NTRK2: variants seen among roughly 807,000 people sequenced by gnomAD.
NTRK2 encodes neurotrophic receptor tyrosine kinase 2.
Under a neutral mutation model 94.5 loss-of-function variants are expected in NTRK2, and 13 were observed. The ratio of observed to expected loss-of-function variants is 0.14; its 90% CI spans 0.09 to 0.22. NTRK2 has a LOEUF of 0.22. NTRK2 is among the 10% of genes least tolerant of loss of function. NTRK2 has a pLI of 1.00. For synonymous variants in NTRK2, 372 were observed against 407.4 expected (o/e 0.91, Z 1.05); for missense variants, 639 against 1,071.2 (o/e 0.60, Z 5.63).
At chr9:84,865,630 AG>A (rs1426867755) in intron 13 of NTRK2, among the ~76,000 whole-genome samples, 3 of 152,194 alleles carry the variant, frequency 2.0e-5, no homozygotes, top group South Asian at 2.1e-4. Context: ...TGCATTTAGT[AG>A]GGGGGGTTGG....
intron 12 of NTRK2, among the ~76,000 whole-genome samples, chr9:84,859,791 C>A (rs1024529223): frequency 1.3e-5 from 2 of 152,322 alleles, no homozygotes; most frequent in South Asian, 2.1e-4. Context: ...AATCCATAGG[C>A]AGGACTCTGC....
At chr9:84,882,174 G>A (rs2076273110) in intron 14 of NTRK2, among the ~76,000 whole-genome samples, 1 of 150,194 alleles carries the variant, frequency 6.7e-6, no homozygotes, top group African/African-American at 2.5e-5. Flanking sequence ...CATCAAGCCA[G>A]GCTTCTTTCA....
At chr9:84,743,713 C>CAAAATGTCATTTTAGTATCATTTTAGTAT (rs1158152343) in intron 10 of NTRK2, among the ~76,000 whole-genome samples, 1 of 152,094 alleles carries the variant, frequency 6.6e-6, no homozygotes, top group African/African-American at 2.4e-5. Context: ...GATCTTTTGG[C>CAAAATGTCATTTTAGTATCATTTTAGTAT]CAAAATGTCA....
chr9:85,017,364 A>G (rs932391304), intron 17 of NTRK2, among the ~76,000 whole-genome samples: 2 of 152,224 alleles, frequency 1.3e-5, no homozygotes, highest in East Asian at 1.9e-4. Context: ...AGATTTGGCA[A>G]CTAGTCCAGG....
chr9:84,971,186 A>G lies in NTRK2; in HGVS notation c.2172+15669A>G, dbSNP rs555219113. Among the ~76,000 whole-genome samples the G allele has an allele frequency of 1.4e-4, 21 of 152,330 alleles. No individual in the cohort carries two copies. The South Asian group carries it at 4.2e-3, about 30-fold the overall frequency. On this transcript the variant is annotated intron_variant, in intron 17 of 18. Coordinates refer to ENST00000277120, the MANE Select transcript of NTRK2 (RefSeq NM_006180.6). ...ATGGAACAGAAAGAATCAAAATAGG[A>G]ATTATGTAGCTAATTCATTTAACAA...
intron 11 of NTRK2, among the ~76,000 whole-genome samples, chr9:84,751,246 A>C (rs2132483180): frequency 6.6e-6 from 1 of 152,258 alleles, no homozygotes; most frequent in African/African-American, 2.4e-5. Context: ...TTCAGTAGAG[A>C]GAATAGTAAA....
chr9:84,827,914 C>T (rs1420772756), intron 12 of NTRK2, among the ~76,000 whole-genome samples: 2 of 152,142 alleles, frequency 1.3e-5, no homozygotes, highest in African/African-American at 4.8e-5. Flanking sequence ...TGAGCATTGC[C>T]CATTTTTCCC....
At chr9:84,954,103 G>A (rs1823809536) in intron 16 of NTRK2, among the ~76,000 whole-genome samples, 1 of 152,210 alleles carries the variant, frequency 6.6e-6, no homozygotes, top group South Asian at 2.1e-4. Flanking sequence ...TGCAGGTGAG[G>A]TTACCTACTT....
chr9:84,965,958 G>A (rs1221420171), intron 17 of NTRK2, among the ~76,000 whole-genome samples: 1 of 152,130 alleles, frequency 6.6e-6, no homozygotes, highest in Non-Finnish European at 1.5e-5. Flanking sequence ...CATAATACTG[G>A]ATACCTACAG....
chr9:84,870,331 G>GTGTGTGTGTGTGTGTATATATATATA (rs1349303529), intron 14 of NTRK2, among the ~76,000 whole-genome samples: 10 of 31,178 alleles, frequency 3.2e-4, no homozygotes, highest in East Asian at 1.1e-3. Flanking sequence ...GTGTGTGTGT[G>GTGTGTGTGTGTGTGTATATATATATA]TATATATATA....
rs563611780 is a variant in NTRK2, at chr9:84,689,646, A to G, written c.213-12513A>G. ...AAACACACATGACATAAAGTTTGCC[A>G]TTTTAACCATTTTTAAGTTCATATT... On this transcript the variant is annotated intron_variant, in intron 2 of 18. Coordinates refer to ENST00000277120, the MANE Select transcript of NTRK2 (RefSeq NM_006180.6). 3.3e-5 allele frequency among the ~76,000 whole-genome samples: 5 copies of G among 152,302 alleles called. No homozygotes were observed. In the South Asian group the frequency reaches 1.0e-3, roughly 32 times the overall value.
chr9:84,923,643 G>A (rs1298379048), intron 14 of NTRK2, among the ~76,000 whole-genome samples: 2 of 152,168 alleles, frequency 1.3e-5, no homozygotes, highest in African/African-American at 4.8e-5. Context: ...GCAGCGTGGT[G>A]TGGTGGCTCA....
intron 9 of NTRK2, among the ~76,000 whole-genome samples, chr9:84,730,478 C>T (rs961907998): frequency 2.4e-5 from 3 of 127,336 alleles, no homozygotes; most frequent in African/African-American, 3.9e-5. Flanking sequence ...CGGTGGCTCA[C>T]GCCTGTAATC....
At chr9:84,789,669 A>G (rs1411092857) in intron 12 of NTRK2, among the ~76,000 whole-genome samples, 2 of 152,130 alleles carry the variant, frequency 1.3e-5, no homozygotes, top group Non-Finnish European at 2.9e-5. Context: ...GATGCTGCAC[A>G]TGTTTCACTA....
At chr9:84,700,900 C>T (rs898475074) in intron 2 of NTRK2, among the ~76,000 whole-genome samples, 1 of 152,156 alleles carries the variant, frequency 6.6e-6, no homozygotes, top group African/African-American at 2.4e-5. Context: ...TTCATCTTTT[C>T]TCCATCTGTC....
chr9:84,922,649 T>C (rs2132593274), intron 14 of NTRK2, among the ~76,000 whole-genome samples: 1 of 152,244 alleles, frequency 6.6e-6, no homozygotes, highest in Non-Finnish European at 1.5e-5. Flanking sequence ...CAGTGATGTC[T>C]CTCCCGAGGC....
chr9:84,775,255 A>G (rs1464939809), intron 12 of NTRK2, among the ~76,000 whole-genome samples: 2 of 152,210 alleles, frequency 1.3e-5, no homozygotes, highest in African/African-American at 4.8e-5. Context: ...AGAGAATTGA[A>G]TCTGCTTTCC....
chr9:84,729,230 T>G (rs1287798822), intron 9 of NTRK2, among the ~76,000 whole-genome samples: 1 of 152,260 alleles, frequency 6.6e-6, no homozygotes, highest in African/African-American at 2.4e-5. Flanking sequence ...TCTTTTTAAA[T>G]GCACAAGCTT....
At chr9:84,947,344 A>G (rs1348814953) in intron 15 of NTRK2, among the ~76,000 whole-genome samples, 1 of 152,200 alleles carries the variant, frequency 6.6e-6, no homozygotes, top group Non-Finnish European at 1.5e-5. Flanking sequence ...TCCTTAACTT[A>G]GTTACATCTG....
Sources: allele counts gnomAD v4.1 joint callset (sites outside exome capture counted in the v4.1 genomes callset), GRCh38; gene constraint gnomAD v4.1.1; transcripts MANE v1.5; gene names NCBI Gene and HGNC (gene_info 2026-07-23, HGNC 2026-07-21).